Variants in ARHGEF15 observed in about 807,000 individuals in gnomAD.
The protein encoded by ARHGEF15 is Rho guanine nucleotide exchange factor (GEF) 15.
A neutral mutation model predicts 79.7 loss-of-function variants in ARHGEF15; 58 were observed. That is an observed-to-expected ratio of 0.73 (90% confidence interval 0.59 to 0.91). ARHGEF15 has a LOEUF of 0.91. Ranked by LOEUF, ARHGEF15 falls within the 40% of genes least tolerant of loss-of-function variation. The probability of loss-of-function intolerance (pLI) is 0.00; values close to 1 mark genes in which losing one functional copy is unlikely to be tolerated. For synonymous variants in ARHGEF15, 442 were observed against 456.0 expected (o/e 0.97, Z 0.39); for missense variants, 1,012 against 1,108.1 (o/e 0.91, Z 1.23).
chr17:8,320,565 G>A (rs1323984208), intron 15 of ARHGEF15, among the ~76,000 whole-genome samples: 1 of 151,992 alleles, frequency 6.6e-6, no homozygotes, highest in African/African-American at 2.4e-5. Flanking sequence ...GGCAGGGATG[G>A]GATCACGCAG....
rs775581443 is a variant in ARHGEF15, at chr17:8,318,398, C to T, written c.1716C>T (p.Arg572=). The T allele has an allele frequency of 1.9e-6, 3 of 1,613,938 alleles. No individual in the cohort carries two copies. The Admixed American group carries it at 5.0e-5, about 27-fold the overall frequency. The part of the protein sequence containing the change: ...RLRMLLQNIL[R]QTEEGSSRQE... Reference sequence around the variant, plus strand: ...CTCCTTGTCCCCAGAATATCCTGCGCCAGACAGAAGAGGGGTCCAGCCGTC... The same window carrying T: ...CTCCTTGTCCCCAGAATATCCTGCGTCAGACAGAAGAGGGGTCCAGCCGTC... Residue 572 remains arginine (R), a synonymous_variant, in exon 10 of 16, where the codon CGC becomes CGT. Coordinates refer to ENST00000361926, the MANE Select transcript of ARHGEF15 (RefSeq NM_173728.4). The surrounding 1 kb of genome is among the most constrained non-coding windows in gnomAD (Gnocchi z 5.0).
rs1431506674 is a variant in ARHGEF15, at chr17:8,320,926, G to T, written c.2459G>T (p.Arg820Leu). The change falls in exon 16 of 16, where the codon CGC becomes CTC. Residue 820 changes from arginine (R) to leucine (L), a missense_variant. Physicochemically the swap from Arg to Leu is moderately radical, Grantham distance 102 (BLOSUM62 -2). Around this residue, in one of 3 missense-constraint regions of ARHGEF15, gnomAD observed 132 missense variants for 124.2 expected, o/e 1.06. Transcript: ENST00000361926. ...TGEHERRRHL[R>L]QNQRLLEAVG... ...GAACACGAAAGGAGGAGGCACCTTC[G>T]CCAGAACCAGAGGCTTCTCGAGGCT... 1 of 1,613,802 alleles carries T rather than the reference G, an allele frequency of 6.2e-7. No homozygotes were observed. Among genetic ancestry groups the T allele is most frequent in the Non-Finnish European group, 8.5e-7 (1 of 1,179,914 alleles).
Position 8,315,492 on chromosome 17 carries a change from C to T in ARHGEF15, c.1339C>T (p.Gln447Ter). ...RLLTDTFVLSQALRDTLTPRD... is the reference protein window; with the variant it reads ...RLLTDTFVLS ...GCTGACCGACACCTTCGTGCTGAGCCAGGCACTCCGGGACACGCTCACCCC... is the reference window on the plus strand; with the variant it reads ...GCTGACCGACACCTTCGTGCTGAGCTAGGCACTCCGGGACACGCTCACCCC... Residue 447 changes from glutamine (Q) to a stop codon, truncating the protein, a stop_gained, in exon 7 of 16, where the codon CAG becomes TAG. Transcript: ENST00000361926. LOFTEE classifies it high-confidence loss of function. This position sits in a 1 kb window ranked among gnomAD's most constrained non-coding sequence, Gnocchi z 4.3. 6.2e-7 allele frequency: 1 copy of T among 1,613,442 alleles called. No individual in the cohort carries two copies. Among genetic ancestry groups the T allele is most frequent in the Non-Finnish European group, 8.5e-7 (1 of 1,180,012 alleles).
chr17:8,311,518 C>G (rs1185274482), intron 1 of ARHGEF15, among the ~76,000 whole-genome samples: 1 of 151,992 alleles, frequency 6.6e-6, no homozygotes, highest in Non-Finnish European at 1.5e-5. Context: ...AAATGGGGGG[C>G]GGAGGGCCAG....
At chr17:8,314,751 A>T in intron 4 of ARHGEF15, 155 bp from the exon 5 acceptor site, 1 of 744,998 alleles carries the variant, frequency 1.3e-6, no homozygotes, top group Non-Finnish European at 2.0e-6. Context: ...TCAAAAAAAA[A>T]AAAAAAAAAA....
At position 8,319,523 on chromosome 17, in the gene ARHGEF15, A is replaced by C. The variant is rs1161952926; in HGVS notation, c.2294A>C (p.Glu765Ala). 1 of 1,610,244 alleles carries C rather than the reference A, an allele frequency of 6.2e-7. No homozygotes were observed. Among genetic ancestry groups the C allele is most frequent in the Non-Finnish European group, 8.5e-7 (1 of 1,178,500 alleles). Reference sequence around the variant, plus strand: ...GACTGTTCCCAGGAACTGTGTTCAGAGTCGTCTGCACCTGCCAAGACTGAA... The same window carrying C: ...GACTGTTCCCAGGAACTGTGTTCAGCGTCGTCTGCACCTGCCAAGACTGAA... ...DCDCSQELCS[E>A]SSAPAKTEGR... is the part of the protein sequence containing the mutation. The change falls in exon 15 of 16, where the codon GAG (glutamate) becomes GCG (alanine). Residue 765 changes from glutamate to alanine, a missense_variant. Around this residue, in one of 3 missense-constraint regions of ARHGEF15, gnomAD observed 132 missense variants for 124.2 expected, o/e 1.06. Coordinates refer to ENST00000361926, the MANE Select transcript of ARHGEF15 (RefSeq NM_173728.4).
intron 15 of ARHGEF15, 93 bp downstream of exon 15, chr17:8,319,696 T>C (rs1415779457): frequency 3.6e-5 from 39 of 1,085,686 alleles, no homozygotes; most frequent in Middle Eastern, 3.3e-4. Context: ...AGTGCAGTGG[T>C]GTGAGCTCGG....
At chr17:8,310,642 C>T (rs1420866974) in intron 1 of ARHGEF15, among the ~76,000 whole-genome samples, 2 of 152,114 alleles carry the variant, frequency 1.3e-5, no homozygotes, top group African/African-American at 2.4e-5. Flanking sequence ...GTAGAACCTG[C>T]GCACACACTT....
At chr17:8,313,458 T>A in intron 3 of ARHGEF15, 43 bp from the exon 4 acceptor site, 1 of 1,599,762 alleles carries the variant, frequency 6.3e-7, no homozygotes, top group Non-Finnish European at 8.5e-7. Context: ...TGGCTGGGGA[T>A]CCTGGAGTTT....
rs1904696052 is a variant in ARHGEF15, at chr17:8,312,393, C to T, written c.354C>T (p.Val118=). The part of the protein sequence containing the change: ...ASPEPAPRSP[V]PPPKPSGSPC... ...CAGAACCTGCTCCCCGGTCTCCAGT[C>T]CCCCCACCCAAGCCGTCTGGGTCAC... Residue 118 remains valine (V), a synonymous_variant, in exon 2 of 16, where the codon GTC becomes GTT. Transcript: ENST00000361926. The T allele has an allele frequency of 2.5e-6, 4 of 1,611,306 alleles. No homozygotes were observed. The highest frequency in any genetic ancestry group is 2.2e-5 in the South Asian group (2 of 90,710).
At chr17:8,311,656 C>G (rs1904624811) in intron 1 of ARHGEF15, among the ~76,000 whole-genome samples, 1 of 151,858 alleles carries the variant, frequency 6.6e-6, no homozygotes, top group Non-Finnish European at 1.5e-5. Context: ...ATCTCAGACA[C>G]TCACACCGAG....
intron 1 of ARHGEF15, 104 bp from the exon 2 acceptor site, chr17:8,311,887 C>G (rs1165999198): frequency 4.3e-6 from 3 of 704,386 alleles, no homozygotes; most frequent in African/African-American, 3.7e-5. Context: ...GGAACCCCCA[C>G]ACCAGCCTTC....
At chr17:8,314,809 C>A in intron 4 of ARHGEF15, 97 bp from the exon 5 acceptor site, 1 of 1,428,586 alleles carries the variant, frequency 7.0e-7, no homozygotes, top group Non-Finnish European at 9.4e-7. Context: ...TACATCCAAC[C>A]TGCACATGGG....
Position 8,320,983 on chromosome 17 carries a change from C to A in ARHGEF15, c.2516C>A (p.Pro839His). ...VGSSSGTPNA[P>H]PP ...TCTTCTTCAGGCACCCCCAATGCCC[C>A]CCCACCCTAATGCAGGCTGAGGAGG... The change falls in exon 16 of 16, where the codon CCC becomes CAC. Residue 839 changes from proline (P) to histidine (H), a missense_variant. Physicochemically the swap from Pro to His is moderately conservative, Grantham distance 77. Around this residue, in one of 3 missense-constraint regions of ARHGEF15, gnomAD observed 132 missense variants for 124.2 expected, o/e 1.06. Transcript: ENST00000361926. The A allele has an allele frequency of 6.8e-6, 11 of 1,613,962 alleles. No individual in the cohort carries two copies. The highest frequency in any genetic ancestry group is 9.3e-6 in the Non-Finnish European group (11 of 1,179,932).
chr17:8,316,986 T>C (rs974554037), intron 9 of ARHGEF15, among the ~76,000 whole-genome samples: 4 of 152,184 alleles, frequency 2.6e-5, no homozygotes, highest in African/African-American at 9.7e-5. Context: ...TTTCACCATG[T>C]TGGCCAGGCT....
chr17:8,312,416 C>A lies in ARHGEF15; in HGVS notation c.377C>A (p.Ser126Ter). The A allele has an allele frequency of 6.2e-7, 1 of 1,613,696 alleles. No homozygotes were observed. The highest frequency in any genetic ancestry group is 8.5e-7 in the Non-Finnish European group (1 of 1,179,826). ...GTCCCCCCACCCAAGCCGTCTGGGT[C>A]ACCCTGCACGCCTCTGCTCCCCATG... ...SPVPPPKPSG[S>*]PCTPLLPMAG... Residue 126 changes from serine to a stop codon, truncating the protein, a stop_gained, in exon 2 of 16, where the codon TCA (serine) becomes TAA (stop). Coordinates refer to ENST00000361926, the MANE Select transcript of ARHGEF15 (RefSeq NM_173728.4). LOFTEE classifies it high-confidence loss of function.
In ARHGEF15 at chr17:8,318,338, C is replaced by T. The variant is rs1310928986; in HGVS notation, c.1705-49C>T. On this transcript the variant is annotated intron_variant, in intron 9 of 15. Coordinates refer to ENST00000361926, the MANE Select transcript of ARHGEF15 (RefSeq NM_173728.4). This position sits in a 1 kb window ranked among gnomAD's most constrained non-coding sequence, Gnocchi z 5.0. ...CTCTGAGCTGTGGCCCCTCTGAATC[C>T]CAGGGCCACAGAGCAGGGGGCCCAG... The T allele has an allele frequency of 1.6e-5, 25 of 1,565,768 alleles. No homozygotes were observed. The highest frequency in any genetic ancestry group is 2.7e-5 in the African/African-American group (2 of 73,546).
chr17:8,319,818 T>C (rs962875249), intron 15 of ARHGEF15, among the ~76,000 whole-genome samples: 14 of 152,058 alleles, frequency 9.2e-5, no homozygotes, highest in Non-Finnish European at 1.9e-4. Context: ...GTATTTTTAG[T>C]AGAGATGGGG....
intron 15 of ARHGEF15, 71 bp from the exon 16 acceptor site, chr17:8,320,771 C>T (rs1294225259): frequency 7.0e-6 from 10 of 1,437,468 alleles, no homozygotes; most frequent in Admixed American, 3.8e-5. Context: ...TGAGACCCCA[C>T]GAGGCCCCCT....
Sources: gnomAD v4.1 joint callset for allele counts (sites outside exome capture counted in the v4.1 genomes callset) on GRCh38, gnomAD v4.1.1 for gene constraint, gnomAD v4.1.1 regional missense constraint, Gnocchi (gnomAD v3.1) non-coding constraint, MANE v1.5 for transcripts, NCBI Gene and HGNC (gene_info 2026-07-23, HGNC 2026-07-21) for gene names.